ANKS1B: variants seen among roughly 807,000 people sequenced by gnomAD.
ANKS1B encodes the protein ankyrin repeat and sterile alpha motif domain-containing protein 1B.
ANKS1B carries 36 observed loss-of-function variants against 148.3 expected under a neutral mutation model. The ratio of observed to expected loss-of-function variants is 0.24; its 90% confidence interval spans 0.19 to 0.32. ANKS1B has a LOEUF of 0.32. Ranked by LOEUF, ANKS1B falls within the 10% of genes least tolerant of loss-of-function variation. The probability of loss-of-function intolerance (pLI) is 1.00; values close to 1 mark genes in which losing one functional copy is unlikely to be tolerated. For synonymous variants in ANKS1B, 542 were observed against 560.8 expected, an observed-to-expected ratio of 0.97 and a Z score of 0.47; for missense variants, 1,157 against 1,542.6, an observed-to-expected ratio of 0.75 and a Z score of 4.19.
intron 17 of ANKS1B, among the ~76,000 whole-genome samples, chr12:98,909,924 T>C (rs772503593): frequency 4.0e-4 from 61 of 152,314 alleles, no homozygotes; most frequent in Non-Finnish European, 6.8e-4. Context: ...TACAGCTCCA[T>C]ACCTCAGGGG....
Position 99,443,812 on chromosome 12 carries a change from G to A in ANKS1B, c.1439-3C>T, listed in dbSNP as rs1398617235. The A allele has an allele frequency of 6.2e-7, 1 of 1,607,986 alleles. No individual in the cohort carries two copies. The stretch of plus-strand genomic sequence containing the variant: ...AACTGCTACCTCAGAGGCATTATCT[G>A]TGAATAAAAATAGAACTGCCATGAA... On this transcript the variant is annotated splice_polypyrimidine_tract_variant and splice_region_variant and intron_variant, in intron 10 of 26. Transcript: ENST00000683438.
chr12:99,973,689 T>C (rs2095589564), intron 1 of ANKS1B, among the ~76,000 whole-genome samples: 1 of 152,182 alleles, frequency 6.6e-6, no homozygotes, highest in Non-Finnish European at 1.5e-5. Flanking sequence ...GGATTCATGA[T>C]TTCAACAGAG....
chr12:99,332,547 C>CA (rs1041920439), intron 12 of ANKS1B, among the ~76,000 whole-genome samples: 8 of 151,518 alleles, frequency 5.3e-5, no homozygotes, highest in Non-Finnish European at 1.0e-4. Flanking sequence ...ATAGTTAATG[C>CA]AAAAAAGTGT....
At chr12:99,385,109 G>T (rs1045508787) in intron 12 of ANKS1B, among the ~76,000 whole-genome samples, 4 of 121,208 alleles carry the variant, frequency 3.3e-5, no homozygotes, top group Non-Finnish European at 3.8e-5. Context: ...ATGAACATAC[G>T]ACATCAGCTC....
At chr12:99,956,250 C>T (rs1218391255) in intron 1 of ANKS1B, among the ~76,000 whole-genome samples, 1 of 149,366 alleles carries the variant, frequency 6.7e-6, no homozygotes, top group African/African-American at 2.5e-5. Context: ...TGCACTCCAG[C>T]CTGAGTGACA....
chr12:99,062,963 A>G (rs1015882712), intron 16 of ANKS1B, among the ~76,000 whole-genome samples: 1 of 152,106 alleles, frequency 6.6e-6, no homozygotes, highest in African/African-American at 2.4e-5. Flanking sequence ...CATGGTTTAG[A>G]CTTGGTGAGA....
intron 8 of ANKS1B, among the ~76,000 whole-genome samples, chr12:99,672,098 A>G (rs1289389095): frequency 6.6e-6 from 1 of 152,120 alleles, no homozygotes; most frequent in Non-Finnish European, 1.5e-5. Context: ...TCTTGTCAGC[A>G]TTTAATTAAA....
rs148663206 is a variant in ANKS1B, at chr12:99,794,460, TACACACACAC to T, written c.669+11934_669+11943del. ...AGATGAAAGGATAAAGAAAATGTGG[TACACACACAC>T]ACACACACACACACACACACATTTT... On this transcript the variant is annotated intron_variant, in intron 4 of 26. Coordinates refer to ENST00000683438, the MANE Select transcript of ANKS1B (RefSeq NM_001352186.2). Among the ~76,000 whole-genome samples, 24 of 143,660 alleles carry T rather than the reference TACACACACAC, an allele frequency of 1.7e-4. No individual in the cohort carries two copies. The South Asian group carries it at 4.1e-3, about 25-fold the overall frequency. The allele number at this position is 143,660 out of a possible 152,430, so 94.2% of individuals were successfully genotyped here.
chr12:98,763,788 C>G (rs1029761832), intron 25 of ANKS1B, among the ~76,000 whole-genome samples: 3 of 152,134 alleles, frequency 2.0e-5, no homozygotes, highest in Admixed American at 6.6e-5. Context: ...GCAACATTAT[C>G]TCATAGTTGG....
Position 98,935,253 on chromosome 12 carries a change from T to C in ANKS1B, c.2779-103117A>G, listed in dbSNP as rs186883602. 2.6e-4 allele frequency among the ~76,000 whole-genome samples: 40 copies of C among 152,348 alleles called. 1 individual carries two copies. The highest frequency in any genetic ancestry group is 2.0e-3 in the Admixed American group (31 of 15,298). ...TTGAGATGATCATATGATTTTTATCTTTTATTCTGTTAATGTGGTGCTAAT... is the reference window on the plus strand; with the variant it reads ...TTGAGATGATCATATGATTTTTATCCTTTATTCTGTTAATGTGGTGCTAAT... On this transcript the variant is annotated intron_variant, in intron 17 of 26. Transcript: ENST00000683438.
Position 99,895,945 on chromosome 12 carries a change from C to T in ANKS1B, c.135-70556G>A, listed in dbSNP as rs58904050. Among the ~76,000 whole-genome samples the T allele has an allele frequency of 1.7e-3, 254 of 151,182 alleles. 12 individuals are homozygous for T. The East Asian group carries it at 0.041, about 24-fold the overall frequency. On this transcript the variant is annotated intron_variant, in intron 1 of 26. Transcript: ENST00000683438. Reference sequence around the variant, plus strand: ...TTTGGATAAGTTTTTTTTTACTTTGCATTTTTGCATTGGCTATTTTTTAAT... The same window carrying T: ...TTTGGATAAGTTTTTTTTTACTTTGTATTTTTGCATTGGCTATTTTTTAAT...
chr12:99,323,344 T>A (rs1566892234), intron 12 of ANKS1B, among the ~76,000 whole-genome samples: 1 of 152,218 alleles, frequency 6.6e-6, no homozygotes, highest in Non-Finnish European at 1.5e-5. Flanking sequence ...TGCATGGCAT[T>A]CATGCAGCCA....
At chr12:99,171,475 T>C (rs975358434) in intron 14 of ANKS1B, among the ~76,000 whole-genome samples, 16 of 152,202 alleles carry the variant, frequency 1.1e-4, no homozygotes, top group African/African-American at 3.1e-4. Context: ...GAGATTTAAA[T>C]AGGAAAATAC....
chr12:99,545,266 T>C (rs1032169094), intron 9 of ANKS1B, among the ~76,000 whole-genome samples: 1 of 152,162 alleles, frequency 6.6e-6, no homozygotes, highest in Non-Finnish European at 1.5e-5. Context: ...TAAGTTCTGA[T>C]GGAGTATGGC....
At chr12:99,593,845 G>T (rs1161309564) in intron 9 of ANKS1B, among the ~76,000 whole-genome samples, 1 of 152,024 alleles carries the variant, frequency 6.6e-6, no homozygotes. Flanking sequence ...CATGGTAAAA[G>T]AAAAGCATTC....
intron 12 of ANKS1B, among the ~76,000 whole-genome samples, chr12:99,393,036 C>T (rs993448520): frequency 6.6e-6 from 1 of 152,044 alleles, no homozygotes; most frequent in African/African-American, 2.4e-5. Context: ...TTCTTATATC[C>T]TACCTCCAAT....
At chr12:98,794,989 C>T in intron 22 of ANKS1B, 1 of 983,246 alleles carries the variant, frequency 1.0e-6, no homozygotes, top group East Asian at 2.4e-5. Context: ...GTAACCATTT[C>T]TTTTATGAAC....
rs78986055 is a variant in ANKS1B at position 99,906,005 on chromosome 12, T to C, written c.134+78099A>G. ...ATAGCTGAATCTTGAAGAGGTCATA[T>C]AGAGTTATTTGGTTTCAGGGATATG... On this transcript the variant is annotated intron_variant, in intron 1 of 26. Coordinates refer to ENST00000683438, the MANE Select transcript of ANKS1B (RefSeq NM_001352186.2). Among the ~76,000 whole-genome samples the C allele has an allele frequency of 1.7e-3, 254 of 152,296 alleles. 9 individuals are homozygous for C. In the East Asian group the frequency reaches 0.041, roughly 24 times the overall value.
intron 24 of ANKS1B, among the ~76,000 whole-genome samples, chr12:98,779,270 G>A (rs922663524): frequency 2.0e-5 from 3 of 152,124 alleles, no homozygotes; most frequent in Non-Finnish European, 4.4e-5. Flanking sequence ...TGAGGCACAG[G>A]AGCATCAACT....
Sources: allele counts gnomAD v4.1 joint callset (sites outside exome capture counted in the v4.1 genomes callset), GRCh38; gene constraint gnomAD v4.1.1; transcripts MANE v1.5; gene names NCBI Gene and HGNC (gene_info 2026-07-23, HGNC 2026-07-21).